Variants in TRIOBP observed in about 807,000 individuals in gnomAD.
The protein encoded by TRIOBP is TRIO and F-actin binding protein, also known as TRIO and F-actin-binding protein.
TRIOBP carries 169 observed loss-of-function variants against 238.8 expected under a neutral mutation model. That is an observed-to-expected ratio of 0.71 (90% CI 0.62 to 0.80). The LOEUF (loss-of-function observed/expected upper bound fraction) is 0.80. Among genes scored for constraint, TRIOBP ranks in the 30% least tolerant of loss-of-function variants. The pLI is 0.00. For missense variants in TRIOBP, 2,838 were observed against 3,122.6 expected (o/e 0.91, Z 2.17); for synonymous variants, 1,150 against 1,274.4 (o/e 0.90, Z 2.08).
intron 17 of TRIOBP, among the ~76,000 whole-genome samples, chr22:37,762,656 G>A (rs4821707): frequency 0.96 from 146,362 of 152,192 alleles, 70,397 homozygotes; most frequent in East Asian, 1. Context: ...TAACTGGGGA[G>A]CAGAGCTGAA....
In TRIOBP at chr22:37,734,963, G is replaced by A; in HGVS notation, c.4627G>A (p.Gly1543Arg). ...TPTAVGWGAE[G>R]ACPYPRGSER... ...CACTGCTGTGGGCTGGGGGGCAGAG[G>A]GAGCGTGTCCATACCCGCGTGGCTC... Residue 1543 changes from glycine (G) to arginine (R), a missense_variant, in exon 9 of 24, where the codon GGA becomes AGA. This residue lies in a region of TRIOBP where 2,096 missense variants were observed against 2,137.4 expected (regional missense o/e 0.98). Transcript: ENST00000644935. The A allele has an allele frequency of 6.2e-7, 1 of 1,613,504 alleles. No individual in the cohort carries two copies. Among genetic ancestry groups the A allele is most frequent in the East Asian group, 2.2e-5 (1 of 44,878 alleles).
chr22:37,757,175 AAT>A lies in TRIOBP; in HGVS notation c.5688-433_5688-432del, dbSNP rs770744693. On this transcript the variant is annotated intron_variant, in intron 15 of 23. Transcript: ENST00000644935. ...CCAGGAGTTCGAGACCAACCTGGGCAATATATTGAGACCCCATCTCTATCAAA... is the reference window on the plus strand; with the variant it reads ...CCAGGAGTTCGAGACCAACCTGGGCAATATTGAGACCCCATCTCTATCAAA... Among the ~76,000 whole-genome samples the A allele has an allele frequency of 1.8e-3, 271 of 152,222 alleles. 1 individual carries two copies. The highest frequency in any genetic ancestry group is 2.6e-3 in the Non-Finnish European group (176 of 68,006).
Position 37,713,554 on chromosome 22 carries a change from C to G in TRIOBP, c.456+143C>G, listed in dbSNP as rs1015170886. The stretch of plus-strand genomic sequence containing the variant: ...TCCTCTGGACCATTAGCTGGCAGCT[C>G]GGGCCACCCCGGCGAACCCCTGGAG... On this transcript the variant is annotated intron_variant, in intron 5 of 23. Transcript: ENST00000644935. The G allele has an allele frequency of 2.9e-6, 3 of 1,044,916 alleles. No homozygotes were observed. The South Asian group carries it at 4.0e-5, about 14-fold the overall frequency. The allele number at this position is 1,044,916 out of a possible 1,614,324, so 64.7% of individuals were successfully genotyped here. A position where few individuals can be genotyped will look rare whatever the true frequency, so the allele number is the denominator to read the frequency against.
At position 37,724,615 on chromosome 22, in the gene TRIOBP, C is replaced by A; in HGVS notation, c.2059C>A (p.Pro687Thr). The change falls in exon 7 of 24, where the codon CCC becomes ACC. Residue 687 changes from proline (P) to threonine (T), a missense_variant. This residue lies in a region of TRIOBP where 167 missense variants were observed against 200.2 expected (regional missense o/e 0.83). Coordinates refer to ENST00000644935, the MANE Select transcript of TRIOBP (RefSeq NM_001039141.3). Reference protein sequence around the residue: ...ALRDNPRASSPSRTIQQENPR... With the variant: ...ALRDNPRASSTSRTIQQENPR... ...ACGGGACAATCCCAGAGCCTCCTCT[C>A]CCAGCAGAACCATCCAACAAGAGAA... 1 of 1,611,476 alleles carries A rather than the reference C, an allele frequency of 6.2e-7. No individual in the cohort carries two copies. Among genetic ancestry groups the A allele is most frequent in the Non-Finnish European group, 8.5e-7 (1 of 1,179,360 alleles).
intron 14 of TRIOBP, 52 bp downstream of exon 14, chr22:37,755,242 C>A: frequency 6.4e-7 from 1 of 1,563,094 alleles, no homozygotes; most frequent in South Asian, 1.2e-5. Flanking sequence ...GGCTGGAGGT[C>A]CCTGGGGGAG....
Position 37,757,945 on chromosome 22 carries a change from G to A in TRIOBP, c.6020G>A (p.Arg2007His), listed in dbSNP as rs371121420. 1.4e-5 allele frequency: 22 copies of A among 1,560,768 alleles called. No individual in the cohort carries two copies. Among genetic ancestry groups the A allele is most frequent in the East Asian group, 7.3e-5 (3 of 41,302 alleles). ...TPEVPAGEGP[R>H]RGLGAPLTED... is the part of the protein sequence containing the mutation. Reference sequence around the variant, plus strand: ...GAGGTGCCTGCTGGTGAGGGGCCGCGCCGGGGCCTGGGTGCCCCCCTGACT... The same window carrying A: ...GAGGTGCCTGCTGGTGAGGGGCCGCACCGGGGCCTGGGTGCCCCCCTGACT... Residue 2007 changes from arginine (R) to histidine (H), a missense_variant, in exon 16 of 24, where the codon CGC (arginine) becomes CAC (histidine). Transcript: ENST00000644935.
intron 9 of TRIOBP, among the ~76,000 whole-genome samples, chr22:37,737,725 G>A (rs1023821850): frequency 3.3e-5 from 5 of 151,070 alleles, no homozygotes; most frequent in Admixed American, 6.6e-5. Flanking sequence ...CTTCCACTCC[G>A]GATTTGCCTC....
chr22:37,707,843 G>A (rs1431422454), intron 3 of TRIOBP, among the ~76,000 whole-genome samples: 2 of 151,454 alleles, frequency 1.3e-5, no homozygotes, highest in East Asian at 2.0e-4. Context: ...TCAGGAGGCT[G>A]AGGCAGGACA....
Position 37,723,655 on chromosome 22 carries a change from T to C in TRIOBP, c.1099T>C (p.Ser367Pro). 6.2e-7 allele frequency: 1 copy of C among 1,613,370 alleles called. No individual in the cohort carries two copies. Residue 367 changes from serine to proline, a missense_variant, in exon 7 of 24, where the codon TCT (serine) becomes CCT (proline). Physicochemically the swap from Ser to Pro is moderately conservative, Grantham distance 74. Coordinates refer to ENST00000644935, the MANE Select transcript of TRIOBP (RefSeq NM_001039141.3). ...SSTQQDNPQT[S>P]FPTCTPQREN... ...TACCCAGCAGGACAACCCCCAAACT[T>C]CTTTTCCTACTTGTACTCCCCAGCG...
intron 6 of TRIOBP, among the ~76,000 whole-genome samples, chr22:37,716,567 T>C (rs888478120): frequency 6.6e-6 from 1 of 152,108 alleles, no homozygotes; most frequent in African/African-American, 2.4e-5. Flanking sequence ...GTACCTGGGA[T>C]TACAGGCACC....
intron 2 of TRIOBP, among the ~76,000 whole-genome samples, chr22:37,700,461 TTC>T (rs1301165533): frequency 6.6e-6 from 1 of 151,298 alleles, no homozygotes; most frequent in Non-Finnish European, 1.5e-5. Flanking sequence ...CTTTTTTTTT[TTC>T]TCAGTGCAGT....
chr22:37,724,446 G>A lies in TRIOBP; in HGVS notation c.1890G>A (p.Gln630=), dbSNP rs765656715. 10 of 1,600,628 alleles carry A rather than the reference G, an allele frequency of 6.2e-6. No homozygotes were observed. Among genetic ancestry groups the A allele is most frequent in the Admixed American group, 3.4e-5 (2 of 58,406 alleles). The change falls in exon 7 of 24, where the codon CAG becomes CAA. Residue 630 remains glutamine (Q), a synonymous_variant. Coordinates refer to ENST00000644935, the MANE Select transcript of TRIOBP (RefSeq NM_001039141.3). ...TRDNPRTSCA[Q]RDNPRASSPN... is the part of the protein sequence containing the mutation. ...ATAACCCCAGAACATCCTGTGCCCA[G>A]CGGGACAATCCCAGAGCCTCCTCTC...
At chr22:37,764,888 A>C (rs1286768623) in intron 17 of TRIOBP, among the ~76,000 whole-genome samples, 1 of 152,214 alleles carries the variant, frequency 6.6e-6, no homozygotes. Flanking sequence ...CAGAGGTAGA[A>C]CCTTTTGAGG....
At chr22:37,717,099 GTTTC>G (rs1398134021) in intron 6 of TRIOBP, among the ~76,000 whole-genome samples, 1 of 152,186 alleles carries the variant, frequency 6.6e-6, no homozygotes, top group Non-Finnish European at 1.5e-5. Flanking sequence ...TGTGTTTGGA[GTTTC>G]TTCCTTCTGG....
intron 18 of TRIOBP, among the ~76,000 whole-genome samples, chr22:37,767,116 T>G (rs1299931636): frequency 6.6e-6 from 1 of 152,040 alleles, no homozygotes; most frequent in Non-Finnish European, 1.5e-5. Flanking sequence ...CCATGCGCGG[T>G]GGCAGGCGCG....
At chr22:37,758,269 GCACCC>G in intron 16 of TRIOBP, 131 bp downstream of exon 16, 2 of 1,187,888 alleles carry the variant, frequency 1.7e-6, no homozygotes, top group Non-Finnish European at 2.4e-6. Flanking sequence ...CTGTGAGTGT[GCACCC>G]CACACTCCTG....
chr22:37,708,711 G>A (rs1470546355), intron 3 of TRIOBP, among the ~76,000 whole-genome samples: 3 of 152,194 alleles, frequency 2.0e-5, no homozygotes, highest in Non-Finnish European at 4.4e-5. Flanking sequence ...CTCCATTTCC[G>A]AGAGGAGAAA....
chr22:37,739,371 C>G (rs1361609055), intron 10 of TRIOBP, among the ~76,000 whole-genome samples: 1 of 152,142 alleles, frequency 6.6e-6, no homozygotes, highest in Non-Finnish European at 1.5e-5. Context: ...GTTTTCCGGT[C>G]CTGCTCTTCC....
intron 3 of TRIOBP, among the ~76,000 whole-genome samples, chr22:37,703,481 C>A (rs571753118): frequency 6.6e-6 from 1 of 151,614 alleles, no homozygotes; most frequent in Non-Finnish European, 1.5e-5. Flanking sequence ...CTTCGTCATT[C>A]CCATTGGGGT....
Sources: gnomAD v4.1 joint callset for allele counts (sites outside exome capture counted in the v4.1 genomes callset) on GRCh38, gnomAD v4.1.1 for gene constraint, gnomAD v4.1.1 regional missense constraint, MANE v1.5 for transcripts, NCBI Gene and HGNC (gene_info 2026-07-23, HGNC 2026-07-21) for gene names.